Variants in LOXHD1 observed in about 807,000 individuals in gnomAD.
LOXHD1 encodes lipoxygenase homology PLAT domains 1, also known as lipoxygenase homology domain-containing protein 1.
In LOXHD1, 205 loss-of-function variants were observed where a neutral mutation model predicts 248.2. The observed-to-expected ratio is 0.83, with a 90% CI of 0.74 to 0.93. The LOEUF is 0.93. Among genes scored for constraint, LOXHD1 ranks in the 40% least tolerant of loss-of-function variants. The probability of loss-of-function intolerance (pLI) is 0.00; values close to 1 mark genes in which losing one functional copy is unlikely to be tolerated. For missense variants in LOXHD1, 2,930 were observed against 2,971.6 expected (o/e 0.99, Z 0.33); for synonymous variants, 1,113 against 1,162.8 (o/e 0.96, Z 0.87).
In LOXHD1 at chr18:46,477,875, G is replaced by A. The variant is rs575597890; in HGVS notation, c.6419C>T (p.Thr2140Met). ...GACCTTGCTGGCAAAGCTCTCTGTC[G>A]TCTTGGTAACCTCGAATACCTTGAA... ...KYFKVFEVTK[T>M]TESFASKVQS... The change falls in exon 41 of 41, where the codon ACG (threonine) becomes ATG (methionine). Residue 2140 changes from threonine (T) to methionine (M), a missense_variant. Thr to Met is a moderately conservative substitution (Grantham distance 81). Transcript: ENST00000642948. 2.4e-5 allele frequency: 38 copies of A among 1,551,778 alleles called. No individual in the cohort carries two copies. The highest frequency in any genetic ancestry group is 1.2e-4 in the East Asian group (5 of 40,916).
chr18:46,632,820 T>C (rs2038843762), intron 4 of LOXHD1, among the ~76,000 whole-genome samples: 1 of 152,154 alleles, frequency 6.6e-6, no homozygotes, highest in African/African-American at 2.4e-5. Context: ...AGCCTAGAGA[T>C]GGCTGCTAAC....
chr18:46,504,834 T>C (rs2034459184), intron 37 of LOXHD1, among the ~76,000 whole-genome samples: 1 of 152,220 alleles, frequency 6.6e-6, no homozygotes, highest in East Asian at 1.9e-4. Context: ...TTTGAGCAGA[T>C]AGCTTTGCAG....
chr18:46,530,772 G>A (rs2036030515), intron 28 of LOXHD1, among the ~76,000 whole-genome samples: 1 of 152,110 alleles, frequency 6.6e-6, no homozygotes, highest in African/African-American at 2.4e-5. Context: ...GGGTTCTGCA[G>A]CATTATTCCC....
At chr18:46,514,333 A>G (rs907941891) in intron 34 of LOXHD1, among the ~76,000 whole-genome samples, 10 of 152,194 alleles carry the variant, frequency 6.6e-5, no homozygotes, top group African/African-American at 2.4e-4. Flanking sequence ...AGTTCCTGGA[A>G]CTCAGCTTTC....
rs942907908 is a variant in LOXHD1 at position 46,483,546 on chromosome 18, T to C, written c.6341+41A>G. On this transcript the variant is annotated intron_variant, in intron 40 of 40. Transcript: ENST00000642948. ...GTCCAGCTCAGTCCCTGCCCCATGC[T>C]GAGGGAGTGGCACTTCCTTGGGGAG... is the stretch of plus-strand genomic sequence containing the variant. 5.8e-6 allele frequency: 9 copies of C among 1,550,432 alleles called. No individual in the cohort carries two copies. The Admixed American group carries it at 1.4e-4, about 24-fold the overall frequency.
At chr18:46,511,991 C>T (rs977988993) in intron 34 of LOXHD1, among the ~76,000 whole-genome samples, 1 of 152,184 alleles carries the variant, frequency 6.6e-6, no homozygotes, top group Admixed American at 6.5e-5. Flanking sequence ...TGCCTTTAGC[C>T]TTCAAACTCC....
chr18:46,584,004 C>T (rs564373679), intron 12 of LOXHD1, among the ~76,000 whole-genome samples: 17 of 152,122 alleles, frequency 1.1e-4, no homozygotes, highest in African/African-American at 3.9e-4. Flanking sequence ...CAATGCAATA[C>T]GATTCAGCCA....
chr18:46,602,577 C>T (rs1279359892), intron 7 of LOXHD1, among the ~76,000 whole-genome samples: 1 of 151,998 alleles, frequency 6.6e-6, no homozygotes, highest in Non-Finnish European at 1.5e-5. Flanking sequence ...CCTACCCATC[C>T]CTCACCCTAC....
At chr18:46,546,772 T>C (rs2036859114) in intron 22 of LOXHD1, 123 bp downstream of exon 22, 5 of 1,128,618 alleles carry the variant, frequency 4.4e-6, no homozygotes, top group Middle Eastern at 2.1e-4. Context: ...GGCAATACAA[T>C]AGACTGTCAA....
intron 34 of LOXHD1, among the ~76,000 whole-genome samples, chr18:46,517,579 T>C (rs2035324537): frequency 6.6e-6 from 1 of 152,232 alleles, no homozygotes; most frequent in Non-Finnish European, 1.5e-5. Context: ...TAGGTTAAGC[T>C]GTGTAAGTAC....
rs1599083661 is a variant in LOXHD1, at chr18:46,657,011, C to T, written c.23G>A (p.Arg8Gln). 2 of 1,551,680 alleles carry T rather than the reference C, an allele frequency of 1.3e-6. No individual in the cohort carries two copies. The highest frequency in any genetic ancestry group is 4.9e-5 in the East Asian group (2 of 40,912). MMPQKKR[R>Q]RKKDIDFLAL... is the part of the protein sequence containing the mutation. ...CAGGAAGTCGATGTCCTTCTTCCTC[C>T]GCCTTTTCTTCTGGGGCATCATTCT... The change falls in exon 1 of 41, where the codon CGG becomes CAG. Residue 8 changes from arginine to glutamine, a missense_variant. By Grantham distance (43) the Arg-to-Gln change is conservative. Coordinates refer to ENST00000642948, the MANE Select transcript of LOXHD1 (RefSeq NM_001384474.1).
intron 37 of LOXHD1, among the ~76,000 whole-genome samples, chr18:46,501,857 T>C (rs2034252751): frequency 6.6e-6 from 1 of 152,174 alleles, no homozygotes; most frequent in African/African-American, 2.4e-5. Context: ...GCTCATTTTG[T>C]CTCTGAAGAG....
At position 46,657,161 on chromosome 18, in the gene LOXHD1, C is replaced by A. The variant is rs983466152; in HGVS notation, c.-128G>T. 1 of 1,453,818 alleles carries A rather than the reference C, an allele frequency of 6.9e-7. No individual in the cohort carries two copies. Among genetic ancestry groups the A allele is most frequent in the Admixed American group, 2.2e-5 (1 of 45,400 alleles). The allele number at this position is 1,453,818 out of a possible 1,614,324, so 90.1% of individuals were successfully genotyped here. The stretch of plus-strand genomic sequence containing the variant: ...TCCTATAGCTCAGGCCTGGGTGGGC[C>A]AGAGTGCCCCGTTTTCTTGGCTTCC... On this transcript the variant is annotated 5_prime_UTR_variant, in exon 1 of 41. Coordinates refer to ENST00000642948, the MANE Select transcript of LOXHD1 (RefSeq NM_001384474.1).
chr18:46,537,455 T>G (rs969007075), intron 26 of LOXHD1, among the ~76,000 whole-genome samples: 2 of 152,172 alleles, frequency 1.3e-5, no homozygotes, highest in Non-Finnish European at 2.9e-5. Context: ...ATTACCTTTG[T>G]TGGGAGGACT....
At chr18:46,628,304 G>A (rs1254584625) in intron 4 of LOXHD1, among the ~76,000 whole-genome samples, 3 of 152,200 alleles carry the variant, frequency 2.0e-5, no homozygotes, top group Non-Finnish European at 4.4e-5. Flanking sequence ...CTAGGTGGGA[G>A]CAGATGGGGT....
intron 33 of LOXHD1, 33 bp downstream of exon 33, chr18:46,521,064 C>T: frequency 1.9e-6 from 3 of 1,547,490 alleles, no homozygotes; most frequent in South Asian, 2.4e-5. Context: ...ACTGCCCTGG[C>T]CATGCACTGC....
intron 12 of LOXHD1, among the ~76,000 whole-genome samples, chr18:46,581,507 G>A (rs2037961609): frequency 6.6e-6 from 1 of 152,170 alleles, no homozygotes; most frequent in Non-Finnish European, 1.5e-5. Flanking sequence ...AGCTGAATAT[G>A]TGTCTGGAGG....
At chr18:46,634,234 C>T (rs949921911) in intron 4 of LOXHD1, among the ~76,000 whole-genome samples, 1 of 152,144 alleles carries the variant, frequency 6.6e-6, no homozygotes, top group African/African-American at 2.4e-5. Flanking sequence ...CAATGGGATG[C>T]TATTCAGCCT....
chr18:46,656,609 G>A (rs1024629507), intron 1 of LOXHD1, among the ~76,000 whole-genome samples: 1 of 152,224 alleles, frequency 6.6e-6, no homozygotes, highest in Non-Finnish European at 1.5e-5. Context: ...CTTTGGGGAT[G>A]TTCAGGAGCT....
Sources: allele counts gnomAD v4.1 joint callset (sites outside exome capture counted in the v4.1 genomes callset), GRCh38; gene constraint gnomAD v4.1.1; transcripts MANE v1.5; gene names NCBI Gene and HGNC (gene_info 2026-07-23, HGNC 2026-07-21).